Variants in SLC35D4 observed in about 807,000 individuals in gnomAD.
SLC35D4 encodes the protein solute carrier family 35 member D4.
chr18:23,336,570 T>C, the SLC35D4 span, among the ~76,000 whole-genome samples: 19 of 152,204 alleles, frequency 1.2e-4, no homozygotes, highest in African/African-American at 4.3e-4. Context: ...GGTTTAACAA[T>C]GTATTTTCAT....
the SLC35D4 span, among the ~76,000 whole-genome samples, chr18:23,250,946 T>G: frequency 6.6e-6 from 1 of 152,198 alleles, no homozygotes; most frequent in East Asian, 1.9e-4. Context: ...GCTGCTTGCC[T>G]CCTCCTTGCT....
the SLC35D4 span, among the ~76,000 whole-genome samples, chr18:23,340,417 T>C: frequency 6.6e-6 from 1 of 152,170 alleles, no homozygotes; most frequent in African/African-American, 2.4e-5. Context: ...GACATAGTTT[T>C]AGGGAAGGGA....
chr18:23,275,692 A>G, the SLC35D4 span, among the ~76,000 whole-genome samples: 2 of 151,126 alleles, frequency 1.3e-5, 1 homozygote, highest in South Asian at 4.2e-4. Context: ...GGACACCTGT[A>G]CCCCAAAGCC....
chr18:23,325,273 C>T, the SLC35D4 span, among the ~76,000 whole-genome samples: 1 of 152,198 alleles, frequency 6.6e-6, no homozygotes, highest in African/African-American at 2.4e-5. Flanking sequence ...GGATTTTATT[C>T]ATTTCCGGAC....
At chr18:23,290,480 T>C in the SLC35D4 span, among the ~76,000 whole-genome samples, 1 of 152,182 alleles carries the variant, frequency 6.6e-6, no homozygotes, top group Non-Finnish European at 1.5e-5. Context: ...GGAGAACAAA[T>C]ACCCCCAGAC....
At chr18:23,369,512 CA>C in the SLC35D4 span, among the ~76,000 whole-genome samples, 1 of 152,176 alleles carries the variant, frequency 6.6e-6, no homozygotes, top group East Asian at 1.9e-4. Flanking sequence ...TAAAGTAAGT[CA>C]AATTAGGACG....
chr18:23,243,285 A>G, the SLC35D4 span, among the ~76,000 whole-genome samples: 3 of 151,892 alleles, frequency 2.0e-5, no homozygotes, highest in East Asian at 1.9e-4. Flanking sequence ...GAAGCACAGT[A>G]GCTCCGCACT....
chr18:23,270,166 C>T, the SLC35D4 span, among the ~76,000 whole-genome samples: 1 of 152,180 alleles, frequency 6.6e-6, no homozygotes, highest in Non-Finnish European at 1.5e-5. Context: ...AGGCTAGGGA[C>T]TTGGTGCCTT....
the SLC35D4 span, chr18:23,257,247 G>T: frequency 3.7e-6 from 6 of 1,605,824 alleles, no homozygotes; most frequent in Non-Finnish European, 5.1e-6. Flanking sequence ...AGAAGTTCCG[G>T]CTGAACAGGC....
chr18:23,331,435 G>C, the SLC35D4 span: 2 of 152,130 alleles, frequency 1.3e-5, no homozygotes, highest in Non-Finnish European at 2.9e-5. Flanking sequence ...CAAAGCAAGA[G>C]GCCCCAGGGC....
chr18:23,373,915 G>T, the SLC35D4 span: 1 of 692,386 alleles, frequency 1.4e-6, no homozygotes. Flanking sequence ...CTGTGAACCT[G>T]ACTACCTGTG....
At chr18:23,365,695 A>T in the SLC35D4 span, 2 of 1,611,862 alleles carry the variant, frequency 1.2e-6, no homozygotes, top group Non-Finnish European at 1.7e-6. Flanking sequence ...AAAGTAGTCA[A>T]GAAGTTTCCC....
chr18:23,307,943 G>A, the SLC35D4 span, among the ~76,000 whole-genome samples: 69 of 152,068 alleles, frequency 4.5e-4, no homozygotes, highest in African/African-American at 1.3e-3. Context: ...TGCCTGTCCC[G>A]GTCTGCCCTG....
chr18:23,261,705 G>C, the SLC35D4 span, among the ~76,000 whole-genome samples: 4 of 152,206 alleles, frequency 2.6e-5, no homozygotes, highest in African/African-American at 9.6e-5. Flanking sequence ...CTTTTGTACA[G>C]TATTTGATAA....
the SLC35D4 span, among the ~76,000 whole-genome samples, chr18:23,241,979 T>TAAA: frequency 3.3e-5 from 5 of 151,624 alleles, no homozygotes; most frequent in Admixed American, 3.3e-4. Flanking sequence ...ATTTTGAACT[T>TAAA]AAAAAAAAAT....
chr18:23,385,117 A>C, the SLC35D4 span: 2,106 of 1,545,242 alleles, frequency 1.4e-3, 3 homozygotes, highest in Non-Finnish European at 1.6e-3. Flanking sequence ...TCGATCTCAT[A>C]ATCATATGGT....
At chr18:23,398,639 A>T in the SLC35D4 span, among the ~76,000 whole-genome samples, 1 of 152,214 alleles carries the variant, frequency 6.6e-6, no homozygotes, top group Non-Finnish European at 1.5e-5. Flanking sequence ...ATGATTATTT[A>T]ATTTCAAAAT....
chr18:23,269,635 A>G, the SLC35D4 span, among the ~76,000 whole-genome samples: 2 of 152,210 alleles, frequency 1.3e-5, no homozygotes, highest in African/African-American at 2.4e-5. Context: ...AAGATGTGGG[A>G]ATGTTAGGAG....
At chr18:23,340,943 C>A in the SLC35D4 span, among the ~76,000 whole-genome samples, 3,948 of 152,324 alleles carry the variant, frequency 0.026, 167 homozygotes, top group African/African-American at 0.088. Context: ...CAAGGCACTA[C>A]TCAATCCAGG....
Sources: allele counts gnomAD v4.1 joint callset (sites outside exome capture counted in the v4.1 genomes callset), GRCh38; gene constraint gnomAD v4.1.1; transcripts MANE v1.5; gene names NCBI Gene and HGNC (gene_info 2026-07-23, HGNC 2026-07-21).